Variants in IFIH1 observed in about 807,000 individuals in gnomAD.
The protein encoded by IFIH1 is interferon-induced helicase C domain-containing protein 1.
In IFIH1, 125 loss-of-function variants were observed where a neutral mutation model predicts 107.4. The ratio of observed to expected loss-of-function variants is 1.16; its 90% CI spans 1.01 to 1.35. The LOEUF (loss-of-function observed/expected upper bound fraction) is 1.35, where lower values mean the gene tolerates loss of function less well. IFIH1 is among the 40% of genes most tolerant of loss of function. The probability of loss-of-function intolerance (pLI) is 0.00; values close to 1 mark genes in which losing one functional copy is unlikely to be tolerated. For missense variants in IFIH1, 1,333 were observed against 1,213.7 expected (o/e 1.10, Z -1.46); for synonymous variants, 458 against 413.2 (o/e 1.11, Z -1.31).
chr2:162,295,940 C>G (rs1294697969), intron 3 of IFIH1, among the ~76,000 whole-genome samples: 1 of 151,444 alleles, frequency 6.6e-6, no homozygotes, highest in African/African-American at 2.4e-5. Flanking sequence ...ATTTTTGAGG[C>G]AAAAAAGTGA....
intron 1 of IFIH1, among the ~76,000 whole-genome samples, chr2:162,311,949 T>C (rs147471142): frequency 6.6e-6 from 1 of 152,276 alleles, no homozygotes; most frequent in African/African-American, 2.4e-5. Flanking sequence ...TATGATTTAT[T>C]TTGTCTATGT....
In IFIH1 at chr2:162,281,508, GGT is replaced by G. The variant is rs1195101187; in HGVS notation, c.1342_1343del (p.Thr448GlnfsTer7). The G allele has an allele frequency of 5.0e-6, 8 of 1,611,038 alleles. No individual in the cohort carries two copies. The Admixed American group carries it at 6.7e-5, about 13-fold the overall frequency. On this transcript the variant is annotated frameshift_variant, in exon 7 of 16. Transcript: ENST00000649979. LOFTEE classifies it high-confidence loss of function. ...TGTTATTATACACTGCTTCTTTGTT[GGT>G]GTGATGACATTCATCAATGATAATG... ...SLIIIDECHH[T>X]NKEAVYNNIM... is the part of the protein sequence containing the mutation.
intron 13 of IFIH1, among the ~76,000 whole-genome samples, chr2:162,271,094 A>C (rs975612444): frequency 3.3e-5 from 5 of 152,144 alleles, no homozygotes; most frequent in African/African-American, 1.2e-4. Flanking sequence ...ATACTATAGA[A>C]ATACATTCTT....
chr2:162,318,217 C>T lies in IFIH1; in HGVS notation c.91G>A (p.Val31Met). Residue 31 changes from valine to methionine, a missense_variant, in exon 1 of 16, where the codon GTG (valine) becomes ATG (methionine). Val to Met is a conservative substitution (Grantham distance 21). Coordinates refer to ENST00000649979, the MANE Select transcript of IFIH1 (RefSeq NM_022168.4). ...GGCAGAAAGGTCAGGTAGTCCAGCA[C>T]AGGCTCCACCTGGATGTACATTTTC... ...RVKMYIQVEPVLDYLTFLPAE... is the reference protein window; with the variant it reads ...RVKMYIQVEPMLDYLTFLPAE... 7.4e-6 allele frequency: 12 copies of T among 1,614,194 alleles called. No homozygotes were observed. Among genetic ancestry groups the T allele is most frequent in the Non-Finnish European group, 1.0e-5 (12 of 1,180,038 alleles).
intron 1 of IFIH1, among the ~76,000 whole-genome samples, chr2:162,317,080 T>C (rs919324117): frequency 6.6e-6 from 1 of 151,246 alleles, no homozygotes; most frequent in East Asian, 2.0e-4. Flanking sequence ...GGGCTAAGAC[T>C]AAATGGCACA....
At position 162,281,488 on chromosome 2, in the gene IFIH1, T is replaced by C. The variant is rs1331112805; in HGVS notation, c.1364A>G (p.Asn455Ser). 3.7e-6 allele frequency: 6 copies of C among 1,612,102 alleles called. No homozygotes were observed. The highest frequency in any genetic ancestry group is 1.1e-5 in the South Asian group (1 of 91,040). Residue 455 changes from asparagine (N) to serine (S), a missense_variant, in exon 7 of 16, where the codon AAT becomes AGT. Transcript: ENST00000649979. ...CHHTNKEAVY[N>S]NIMRHYLMQK... ...CATCAAATAATGCCTCATGATGTTA[T>C]TATACACTGCTTCTTTGTTGGTGTG... is the stretch of plus-strand genomic sequence containing the variant.
intron 5 of IFIH1, among the ~76,000 whole-genome samples, chr2:162,286,853 A>T (rs1198552782): frequency 1.3e-5 from 2 of 152,002 alleles, no homozygotes; most frequent in East Asian, 3.9e-4. Context: ...AGGAGTCATT[A>T]CTAGGCCATA....
intron 10 of IFIH1, 46 bp downstream of exon 10, chr2:162,277,369 G>C: frequency 7.3e-7 from 1 of 1,365,008 alleles, no homozygotes; most frequent in Non-Finnish European, 1.0e-6. Flanking sequence ...AGTTCATGTT[G>C]AAAAGGTAAA....
intron 13 of IFIH1, among the ~76,000 whole-genome samples, chr2:162,271,689 C>A (rs1351763239): frequency 6.6e-6 from 1 of 152,178 alleles, no homozygotes; most frequent in Non-Finnish European, 1.5e-5. Flanking sequence ...TATTCTAATT[C>A]TCTTCACTTA....
At chr2:162,282,334 A>ATT (rs11441874) in intron 6 of IFIH1, 32 bp downstream of exon 6, 5 of 1,417,892 alleles carry the variant, frequency 3.5e-6, no homozygotes, top group Non-Finnish European at 3.9e-6. Flanking sequence ...ATTACTATTA[A>ATT]TTTTTTTAAA....
intron 4 of IFIH1, 108 bp downstream of exon 4, chr2:162,293,456 G>C: frequency 1.6e-6 from 1 of 639,506 alleles, no homozygotes; most frequent in Non-Finnish European, 2.7e-6. Context: ...GAAAAGAATT[G>C]CTTTAATTGC....
intron 7 of IFIH1, among the ~76,000 whole-genome samples, chr2:162,280,645 G>C (rs1682790482): frequency 6.6e-6 from 1 of 151,998 alleles, no homozygotes; most frequent in African/African-American, 2.4e-5. Context: ...CTTAATCCCA[G>C]TAATAAATTA....
chr2:162,285,604 G>C (rs990921164), intron 5 of IFIH1, among the ~76,000 whole-genome samples: 1 of 151,990 alleles, frequency 6.6e-6, no homozygotes, highest in Non-Finnish European at 1.5e-5. Flanking sequence ...TAAGGAATTA[G>C]AGTCAAGTCC....
intron 9 of IFIH1, 59 bp downstream of exon 9, chr2:162,278,146 A>G: frequency 4.2e-6 from 6 of 1,443,940 alleles, no homozygotes; most frequent in Non-Finnish European, 5.7e-6. Flanking sequence ...TGATATAGTC[A>G]TCTAAAATCT....
chr2:162,274,087 G>A (rs541540120), intron 11 of IFIH1, 143 bp from the exon 12 acceptor site: 1 of 567,194 alleles, frequency 1.8e-6, no homozygotes, highest in Admixed American at 3.8e-5. Flanking sequence ...ATCTGTTTTT[G>A]GCATTGAACA....
intron 11 of IFIH1, among the ~76,000 whole-genome samples, chr2:162,275,498 C>A (rs1011764133): frequency 2.6e-5 from 4 of 152,104 alleles, no homozygotes; most frequent in Non-Finnish European, 2.9e-5. Context: ...AAGAAGGAAG[C>A]AAACTTGTTA....
At position 162,318,090 on chromosome 2, in the gene IFIH1, A is replaced by C; in HGVS notation, c.218T>G (p.Leu73Arg). The C allele has an allele frequency of 6.2e-7, 1 of 1,614,170 alleles. No homozygotes were observed. The highest frequency in any genetic ancestry group is 1.3e-5 in the African/African-American group (1 of 75,042). Residue 73 changes from leucine (L) to arginine (R), a missense_variant, in exon 1 of 16, where the codon CTT becomes CGT. Coordinates refer to ENST00000649979, the MANE Select transcript of IFIH1 (RefSeq NM_022168.4). ...CTCCACGAATTCCCGAGTCCAACCA[A>C]GGTGCCAGACTCCCTTCTCCAAGGT... ...LSTLEKGVWH[L>R]GWTREFVEAL... is the part of the protein sequence containing the mutation.
intron 6 of IFIH1, 47 bp from the exon 7 acceptor site, chr2:162,281,592 C>T: frequency 7.2e-7 from 1 of 1,382,922 alleles, no homozygotes; most frequent in East Asian, 2.4e-5. Context: ...CAGCACACTA[C>T]AGTGAGAAAA....
intron 5 of IFIH1, among the ~76,000 whole-genome samples, chr2:162,284,433 T>C (rs774981353): frequency 2.0e-5 from 3 of 152,010 alleles, no homozygotes; most frequent in African/African-American, 7.2e-5. Flanking sequence ...TAACCTATTA[T>C]AGGGTTGTGA....
Sources: allele counts gnomAD v4.1 joint callset (sites outside exome capture counted in the v4.1 genomes callset), GRCh38; gene constraint gnomAD v4.1.1; transcripts MANE v1.5; gene names NCBI Gene and HGNC (gene_info 2026-07-23, HGNC 2026-07-21).